POLI: variants seen among roughly 807,000 people sequenced by gnomAD.
The protein encoded by POLI is RAD30 homolog B.
POLI carries 58 observed loss-of-function variants against 51.6 expected under a neutral mutation model. That is an observed-to-expected ratio of 1.12 (90% CI 0.91 to 1.40). The LOEUF (loss-of-function observed/expected upper bound fraction) is 1.40. POLI is among the 40% of genes most tolerant of loss of function. The probability of loss-of-function intolerance (pLI) is 0.00; values close to 1 mark genes in which losing one functional copy is unlikely to be tolerated. For synonymous variants in POLI, 322 were observed against 299.7 expected, an observed-to-expected ratio of 1.07 and a Z score of -0.77; for missense variants, 921 against 871.3, an observed-to-expected ratio of 1.06 and a Z score of -0.72.
chr18:54,292,140 G>T (rs2088049529), intron 9 of POLI, 102 bp downstream of exon 9: 1 of 719,066 alleles, frequency 1.4e-6, no homozygotes, highest in Admixed American at 2.6e-5. Context: ...ATAGTTTAGA[G>T]ATTCTTTTGG....
At chr18:54,274,374 G>T (rs934495828) in intron 3 of POLI, among the ~76,000 whole-genome samples, 1 of 151,972 alleles carries the variant, frequency 6.6e-6, no homozygotes, top group Admixed American at 6.6e-5. Flanking sequence ...GAGAAAATGG[G>T]AAACTGTACT....
chr18:54,290,427 C>T (rs2087951422), intron 8 of POLI, among the ~76,000 whole-genome samples: 1 of 152,152 alleles, frequency 6.6e-6, no homozygotes, highest in Non-Finnish European at 1.5e-5. Context: ...GTGGTGATTC[C>T]TCAAGGATCT....
In POLI at chr18:54,294,086, C is replaced by T. The variant is rs907552983; in HGVS notation, c.1842C>T (p.Tyr614=). Residue 614 remains tyrosine (Y), a synonymous_variant, in exon 10 of 10, where the codon TAC becomes TAT. Transcript: ENST00000579534. ...TSGFNSSSSS[Y]MSSQKDYSYY... The stretch of plus-strand genomic sequence containing the variant: ...GCTTTAATAGCAGTAGTTCTTCTTA[C>T]ATGTCTAGCCAAAAGGATTATTCAT... 6 of 1,608,992 alleles carry T rather than the reference C, an allele frequency of 3.7e-6. No homozygotes were observed. Among genetic ancestry groups the T allele is most frequent in the Non-Finnish European group, 2.6e-6 (3 of 1,175,618 alleles).
At position 54,296,900 on chromosome 18, in the gene POLI, T is replaced by A; in HGVS notation, c.*2433T>A. ...TTTTTGATAATTTCAATATTTTAAG[T>A]CTTTATAAGTCTACATTTAAGGTTA... On this transcript the variant is annotated 3_prime_UTR_variant, in exon 10 of 10. Transcript: ENST00000579534. 4.3e-6 allele frequency: 4 copies of A among 923,218 alleles called. No individual in the cohort carries two copies. The highest frequency in any genetic ancestry group is 5.2e-6 in the Non-Finnish European group (4 of 773,608). The allele number at this position is 923,218 out of a possible 1,614,324, so 57.2% of individuals were successfully genotyped here.
chr18:54,282,202 AATC>A (rs1478942344), intron 5 of POLI, among the ~76,000 whole-genome samples: 2 of 152,190 alleles, frequency 1.3e-5, no homozygotes, highest in Admixed American at 6.5e-5. Context: ...TATTAATAAT[AATC>A]ATGATTTCTG....
In POLI at chr18:54,297,151, T is replaced by G. The variant is rs1042083630; in HGVS notation, c.*2684T>G. On this transcript the variant is annotated 3_prime_UTR_variant, in exon 10 of 10. Coordinates refer to ENST00000579534, the MANE Select transcript of POLI (RefSeq NM_007195.3). ...CCCTTACTACTAGCCGAAGGTTTTG[T>G]CTCTGCAGGTCAATTCCAAACTAAC... is the stretch of plus-strand genomic sequence containing the variant. 2 of 985,330 alleles carry G rather than the reference T, an allele frequency of 2.0e-6. No individual in the cohort carries two copies. Among genetic ancestry groups the G allele is most frequent in the African/African-American group, 3.5e-5 (2 of 57,252 alleles). 61.0% of individuals were successfully genotyped at this position (985,330 alleles called of 1,614,324 possible). A position where few individuals can be genotyped will look rare whatever the true frequency, so the allele number is the denominator to read the frequency against.
chr18:54,303,986 C>A (rs9675877), intron 3 of POLI, among the ~76,000 whole-genome samples: 17,991 of 151,628 alleles, frequency 0.12, 3,582 homozygotes, highest in African/African-American at 0.41. Flanking sequence ...TGTTCAGTTC[C>A]CACCTATGAG....
intron 2 of POLI, among the ~76,000 whole-genome samples, chr18:54,272,718 T>C (rs545619376): frequency 1.3e-5 from 2 of 151,448 alleles, no homozygotes; most frequent in African/African-American, 4.9e-5. Flanking sequence ...GCGATCCACC[T>C]GCCTTGGCCT....
chr18:54,287,178 C>T lies in POLI; in HGVS notation c.1068-103C>T, dbSNP rs1377289762. The T allele has an allele frequency of 1.3e-5, 10 of 743,380 alleles. No homozygotes were observed. The African/African-American group carries it at 1.4e-4, about 11-fold the overall frequency. The allele number at this position is 743,380 out of a possible 1,614,324, so 46.0% of individuals were successfully genotyped here. On this transcript the variant is annotated intron_variant, in intron 7 of 9. Transcript: ENST00000579534. ...TGTTATCTGCTATATGTATAATTGT[C>T]ATATTTAACAAAATCTGGCACCTTT...
intron 3 of POLI, among the ~76,000 whole-genome samples, chr18:54,304,173 G>T (rs539895190): frequency 6.6e-6 from 1 of 152,224 alleles, no homozygotes; most frequent in Admixed American, 6.5e-5. Context: ...ATGGACATTT[G>T]GGTTGGTTCC....
intron 3 of POLI, among the ~76,000 whole-genome samples, chr18:54,304,192 G>T (rs1368514055): frequency 6.6e-6 from 1 of 152,056 alleles, no homozygotes; most frequent in African/African-American, 2.4e-5. Flanking sequence ...CCAAGTTTTT[G>T]CTATAGTGAG....
intron 3 of POLI, among the ~76,000 whole-genome samples, chr18:54,274,712 TTG>T (rs1246217232): frequency 6.6e-6 from 1 of 152,182 alleles, no homozygotes; most frequent in African/African-American, 2.4e-5. Flanking sequence ...GCAAAAGTAA[TTG>T]TGGCTTTCAC....
At chr18:54,314,744 G>C (rs572157644) in intron 3 of POLI, among the ~76,000 whole-genome samples, 74 of 152,182 alleles carry the variant, frequency 4.9e-4, no homozygotes, top group Non-Finnish European at 5.9e-4. Flanking sequence ...TTTCTAGTTT[G>C]TGTGCATAGA....
At chr18:54,313,198 A>T (rs1302214519) in intron 3 of POLI, among the ~76,000 whole-genome samples, 5 of 152,178 alleles carry the variant, frequency 3.3e-5, no homozygotes, top group Non-Finnish European at 7.3e-5. Context: ...CCATGTATTG[A>T]ATAGGCAGTT....
At chr18:54,273,778 G>T (rs1021868881) in intron 2 of POLI, 148 bp from the exon 3 acceptor site, 17 of 426,454 alleles carry the variant, frequency 4.0e-5, no homozygotes, top group Non-Finnish European at 6.6e-5. Flanking sequence ...TTGATATATG[G>T]AGGCTATGTT....
Position 54,269,668 on chromosome 18 carries a change from CGCAGCCAGAGGAGCCAGCG to C in POLI, c.115+10_115+28del. ...GCGGCAGCCAGCTCGCAGGGTGCGC[CGCAGCCAGAGGAGCCAGCG>C]GCCTCCTTGGGTGTAAATGAGAAGG... On this transcript the variant is annotated splice_region_variant and intron_variant, in intron 1 of 9. Transcript: ENST00000579534. 6.7e-7 allele frequency: 1 copy of C among 1,502,250 alleles called. No homozygotes were observed. The highest frequency in any genetic ancestry group is 1.2e-5 in the South Asian group (1 of 81,184). 93.1% of individuals were successfully genotyped at this position (1,502,250 alleles called of 1,614,324 possible).
At position 54,296,144 on chromosome 18, in the gene POLI, G is replaced by T. The variant is rs1380323603; in HGVS notation, c.*1677G>T. 2.0e-6 allele frequency: 2 copies of T among 981,926 alleles called. No homozygotes were observed. The highest frequency in any genetic ancestry group is 1.1e-4 in the East Asian group (1 of 8,812). The allele number at this position is 981,926 out of a possible 1,614,324, so 60.8% of individuals were successfully genotyped here. A position where few individuals can be genotyped will look rare whatever the true frequency, so the allele number is the denominator to read the frequency against. On this transcript the variant is annotated 3_prime_UTR_variant, in exon 10 of 10. Coordinates refer to ENST00000579534, the MANE Select transcript of POLI (RefSeq NM_007195.3). ...TAAGGTAATTAAACTTATGAAAAGG[G>T]TATATAACTTTTTGTAAATCATTAA...
chr18:54,273,880 G>A, intron 2 of POLI, 46 bp from the exon 3 acceptor site: 1 of 1,074,094 alleles, frequency 9.3e-7, no homozygotes, highest in Non-Finnish European at 1.3e-6. Context: ...ATCTTTAAAT[G>A]TTTTCTTCAA....
chr18:54,305,201 C>T (rs962933635), intron 3 of POLI, among the ~76,000 whole-genome samples: 3 of 152,168 alleles, frequency 2.0e-5, no homozygotes, highest in Non-Finnish European at 4.4e-5. Context: ...AGCATGATGC[C>T]TCCAGCTTTG....
Sources: gnomAD v4.1 joint callset for allele counts (sites outside exome capture counted in the v4.1 genomes callset) on GRCh38, gnomAD v4.1.1 for gene constraint, MANE v1.5 for transcripts, NCBI Gene and HGNC (gene_info 2026-07-23, HGNC 2026-07-21) for gene names.